The following NCKAP1 variants were observed in gnomAD, a reference collection of about 807,000 sequenced individuals.
The protein encoded by NCKAP1 is nck-associated protein 1.
A neutral mutation model predicts 151.2 loss-of-function variants in NCKAP1; 21 were observed. The observed-to-expected ratio is 0.14, with a 90% CI of 0.10 to 0.20. NCKAP1 has a LOEUF of 0.20. NCKAP1 is among the 10% of genes least tolerant of loss of function. NCKAP1 has a pLI of 1.00. For synonymous variants in NCKAP1, 484 were observed against 451.8 expected (o/e 1.07, Z -0.90); for missense variants, 933 against 1,352.1 (o/e 0.69, Z 4.86).
intron 15 of NCKAP1, among the ~76,000 whole-genome samples, chr2:182,972,248 A>C (rs1393899218): frequency 1.3e-5 from 2 of 149,694 alleles, no homozygotes; most frequent in Non-Finnish European, 3.0e-5. Flanking sequence ...AAAAAAAACA[A>C]AACTGATTTT....
intron 13 of NCKAP1, among the ~76,000 whole-genome samples, chr2:182,980,809 ACT>A (rs943688764): frequency 1.3e-5 from 2 of 151,050 alleles, no homozygotes; most frequent in African/African-American, 4.9e-5. Context: ...CCATGTTCAG[ACT>A]CTCATCACCT....
intron 18 of NCKAP1, among the ~76,000 whole-genome samples, chr2:182,960,034 G>A (rs545095946): frequency 6.6e-6 from 1 of 152,272 alleles, no homozygotes; most frequent in South Asian, 2.1e-4. Flanking sequence ...GGGACGTGAA[G>A]GACCTCTTCA....
At position 182,920,331 on chromosome 2, in the gene NCKAP1, T is replaced by A. The variant is rs1696530166; in HGVS notation, c.*5371A>T. On this transcript the variant is annotated 3_prime_UTR_variant, in exon 31 of 31. Transcript: ENST00000361354. ...GAATCTCTTTCTACTCAAGGGAAGA[T>A]GCTAAAACTGGTGTTCATGCAATTA... 1 of 152,126 alleles carries A rather than the reference T, an allele frequency of 6.6e-6. No homozygotes were observed. The highest frequency in any genetic ancestry group is 2.1e-4 in the South Asian group (1 of 4,822). The allele number at this position is 152,126 out of a possible 1,614,324, so 9.4% of individuals were successfully genotyped here.
chr2:182,968,522 G>A (rs1697621737), intron 15 of NCKAP1, among the ~76,000 whole-genome samples: 1 of 152,134 alleles, frequency 6.6e-6, no homozygotes, highest in South Asian at 2.1e-4. Context: ...AAATTTGAGG[G>A]ATGAGGTAAT....
intron 30 of NCKAP1, 67 bp downstream of exon 30, chr2:182,926,749 C>A: frequency 9.1e-7 from 1 of 1,095,202 alleles, no homozygotes; most frequent in South Asian, 1.4e-5. Context: ...GACTAAGATG[C>A]CAAGAAAAGA....
intron 15 of NCKAP1, among the ~76,000 whole-genome samples, chr2:182,972,618 T>G (rs1697723806): frequency 1.3e-5 from 2 of 152,208 alleles, no homozygotes; most frequent in South Asian, 4.1e-4. Context: ...CACTCCCATG[T>G]TTATTGCAGC....
At chr2:182,989,545 AAAAATAAAGCTT>A (rs1309588391) in intron 8 of NCKAP1, among the ~76,000 whole-genome samples, 1 of 152,172 alleles carries the variant, frequency 6.6e-6, no homozygotes, top group African/African-American at 2.4e-5. Context: ...ATAATAACTT[AAAAATAAAGCTT>A]ATCTTGGGGC....
intron 2 of NCKAP1, among the ~76,000 whole-genome samples, chr2:183,006,802 G>A (rs1698480366): frequency 6.6e-6 from 1 of 152,162 alleles, no homozygotes; most frequent in Non-Finnish European, 1.5e-5. Flanking sequence ...CACATTGTTT[G>A]ATGTTATACA....
rs1696626805 is a variant in NCKAP1 at position 182,925,564 on chromosome 2, T to A, written c.*138A>T. On this transcript the variant is annotated 3_prime_UTR_variant, in exon 31 of 31. Coordinates refer to ENST00000361354, the MANE Select transcript of NCKAP1 (RefSeq NM_013436.5). ...TAGTACAACCATATTAAGAAACCAA[T>A]GATCAGAAAATACAACCGTATGAAA... 1.0e-5 allele frequency: 5 copies of A among 477,378 alleles called. No individual in the cohort carries two copies. 29.6% of individuals were successfully genotyped at this position (477,378 alleles called of 1,614,324 possible).
chr2:183,012,057 T>G (rs563794533), intron 2 of NCKAP1, among the ~76,000 whole-genome samples: 4 of 152,312 alleles, frequency 2.6e-5, no homozygotes, highest in African/African-American at 7.2e-5. Flanking sequence ...TTTGTTCTTT[T>G]TAAGGTAAAT....
At chr2:182,952,548 C>CT (rs1381776178) in intron 22 of NCKAP1, 46 bp from the exon 23 acceptor site, 1 of 1,384,422 alleles carries the variant, frequency 7.2e-7, no homozygotes, top group Non-Finnish European at 1.0e-6. Flanking sequence ...AGAGCAAATA[C>CT]TTTAAGAAAA....
chr2:183,007,824 T>C (rs1261599354), intron 2 of NCKAP1, among the ~76,000 whole-genome samples: 1 of 152,222 alleles, frequency 6.6e-6, no homozygotes, highest in Non-Finnish European at 1.5e-5. Context: ...TCATCAACTC[T>C]CATGTGGACT....
At chr2:182,933,943 T>C (rs926999109) in intron 26 of NCKAP1, among the ~76,000 whole-genome samples, 1 of 152,096 alleles carries the variant, frequency 6.6e-6, no homozygotes. Context: ...GCTCAATAGA[T>C]TTTCAAAACA....
At chr2:182,935,438 C>G in intron 24 of NCKAP1, 63 bp from the exon 25 acceptor site, 1 of 995,676 alleles carries the variant, frequency 1.0e-6, no homozygotes, top group Non-Finnish European at 1.4e-6. Flanking sequence ...CTTTCTTAAA[C>G]TTGGAAAAAA....
rs1575067196 is a variant in NCKAP1 at position 183,017,103 on chromosome 2, C to T, written c.219+6703G>A. On this transcript the variant is annotated intron_variant, in intron 2 of 30. Coordinates refer to ENST00000361354, the MANE Select transcript of NCKAP1 (RefSeq NM_013436.5). ...ATTGGATAAAAAGTTTTCTGTTTAG[C>T]TTGTGGAGCTGTCCAAAGGGGTAGC... is the stretch of plus-strand genomic sequence containing the variant. 2.0e-5 allele frequency among the ~76,000 whole-genome samples: 3 copies of T among 152,028 alleles called. No homozygotes were observed. The East Asian group carries it at 5.8e-4, about 29-fold the overall frequency.
chr2:182,945,475 A>G (rs1242752362), intron 23 of NCKAP1, among the ~76,000 whole-genome samples: 4 of 152,126 alleles, frequency 2.6e-5, no homozygotes, highest in African/African-American at 9.7e-5. Flanking sequence ...CCCCCAAAAC[A>G]CAAAACACTG....
rs1384344641 is a variant in NCKAP1, at chr2:182,910,454, A to G, written c.*15248T>C. 1.3e-5 allele frequency: 2 copies of G among 152,290 alleles called. No individual in the cohort carries two copies. Among genetic ancestry groups the G allele is most frequent in the Admixed American group, 6.5e-5 (1 of 15,286 alleles). 9.4% of individuals were successfully genotyped at this position (152,290 alleles called of 1,614,324 possible). On this transcript the variant is annotated 3_prime_UTR_variant, in exon 31 of 31. Coordinates refer to ENST00000361354, the MANE Select transcript of NCKAP1 (RefSeq NM_013436.5). ...TAATGTATACTCATATGTGCCCACA[A>G]CAGTTGGAGCCTTGGGAACAAGGAA... is the stretch of plus-strand genomic sequence containing the variant.
At chr2:182,990,277 A>C (rs1270883188) in intron 8 of NCKAP1, among the ~76,000 whole-genome samples, 1 of 151,836 alleles carries the variant, frequency 6.6e-6, no homozygotes, top group East Asian at 1.9e-4. Flanking sequence ...GTCTCAGGCC[A>C]TCCTTCCACC....
At position 182,926,953 on chromosome 2, in the gene NCKAP1, A is replaced by G. The variant is rs770773346; in HGVS notation, c.3181-48T>C. 9.1e-5 allele frequency: 116 copies of G among 1,281,692 alleles called. 1 individual carries two copies. In the South Asian group the frequency reaches 1.4e-3, roughly 16 times the overall value. The allele number at this position is 1,281,692 out of a possible 1,614,324, so 79.4% of individuals were successfully genotyped here. A position where few individuals can be genotyped will look rare whatever the true frequency, so the allele number is the denominator to read the frequency against. ...AAGTGAGTTTGTTAATAAAAGGTTCATCGGTTACTTATTTTAGGTATGTTT... is the reference window on the plus strand; with the variant it reads ...AAGTGAGTTTGTTAATAAAAGGTTCGTCGGTTACTTATTTTAGGTATGTTT... On this transcript the variant is annotated intron_variant, in intron 29 of 30. Transcript: ENST00000361354.
Sources: gnomAD v4.1 joint callset for allele counts (sites outside exome capture counted in the v4.1 genomes callset) on GRCh38, gnomAD v4.1.1 for gene constraint, MANE v1.5 for transcripts, NCBI Gene and HGNC (gene_info 2026-07-23, HGNC 2026-07-21) for gene names.